GSN: variants seen among roughly 807,000 people sequenced by gnomAD.
GSN encodes actin-depolymerizing factor.
GSN carries 56 observed loss-of-function variants against 85.7 expected under a neutral mutation model. The ratio of observed to expected loss-of-function variants is 0.65; its 90% confidence interval spans 0.53 to 0.82. The LOEUF is 0.82. Among genes scored for constraint, GSN ranks in the 40% least tolerant of loss-of-function variants. The pLI, the probability that GSN is intolerant of heterozygous loss-of-function variation, is 0.00. For missense variants in GSN, 857 were observed against 979.8 expected (o/e 0.87, Z 1.67); for synonymous variants, 373 against 399.1 (o/e 0.93, Z 0.78).
chr9:121,281,282 G>T (rs562034499), intron 1 of GSN, 188 bp from the exon 2 acceptor site: 51 of 276,006 alleles, frequency 1.8e-4, no homozygotes, highest in African/African-American at 1.1e-3. Context: ...CTTTTACGCA[G>T]CCAAACCCTC....
intron 2 of GSN, 162 bp downstream of exon 2, chr9:121,281,724 C>T: frequency 2.1e-6 from 1 of 471,230 alleles, no homozygotes; most frequent in Non-Finnish European, 4.4e-6. Context: ...TGCGTCTCTG[C>T]TCCTTTCCTG....
intron 2 of GSN, among the ~76,000 whole-genome samples, chr9:121,286,388 G>A (rs2058077653): frequency 6.6e-6 from 1 of 152,224 alleles, no homozygotes; most frequent in East Asian, 1.9e-4. Flanking sequence ...GTAGCAGTCA[G>A]ACCCCTTCTC....
At chr9:121,227,278 C>T (rs1312511076) in intron 4 of GSN, among the ~76,000 whole-genome samples, 1 of 152,016 alleles carries the variant, frequency 6.6e-6, no homozygotes, top group Non-Finnish European at 1.5e-5. Context: ...CCTGTAATCC[C>T]AGCTACTAAG....
chr9:121,299,886 G>C lies in GSN; in HGVS notation c.-9-2077G>C. On this transcript the variant is annotated intron_variant, in intron 2 of 17. Transcript: ENST00000432226. This position sits in a 1 kb window ranked among gnomAD's most constrained non-coding sequence, Gnocchi z 4.2. ...CATGGCTCCGCACCGCCCCGCGCCC[G>C]CGCTGCTTTGCGCGCTGTCCCTGGC... 7.6e-7 allele frequency: 1 copy of C among 1,315,108 alleles called. No individual in the cohort carries two copies. The highest frequency in any genetic ancestry group is 2.0e-5 in the South Asian group (1 of 50,044). 81.5% of individuals were successfully genotyped at this position (1,315,108 alleles called of 1,614,324 possible).
chr9:121,325,573 C>T (rs1208618500), intron 12 of GSN, among the ~76,000 whole-genome samples: 3 of 152,090 alleles, frequency 2.0e-5, no homozygotes, highest in Non-Finnish European at 2.9e-5. Flanking sequence ...TAAAAAGTCA[C>T]TCTGGCCAGG....
rs1336006305 is a variant in GSN at position 121,317,122 on chromosome 9, G to A, written c.790G>A (p.Val264Met). 6.2e-6 allele frequency: 10 copies of A among 1,613,998 alleles called. No homozygotes were observed. Among genetic ancestry groups the A allele is most frequent in the Middle Eastern group, 3.3e-4 (2 of 6,084 alleles). ...TGCAGGGACCATGTCCGTCTCCCTC[G>A]TGGCTGATGAGAACCCCTTCGCCCA... ...NGAGTMSVSL[V>M]ADENPFAQGA... Residue 264 changes from valine to methionine, a missense_variant, in exon 8 of 18, where the codon GTG becomes ATG. Coordinates refer to ENST00000432226, the MANE Select transcript of GSN (RefSeq NM_198252.3).
At chr9:121,210,342 C>G (rs2053949446) in intron 3 of GSN, 1 of 152,216 alleles carries the variant, frequency 6.6e-6, no homozygotes, top group Non-Finnish European at 1.5e-5. Context: ...GAGTGACGTG[C>G]TAAGTCTTCA....
At chr9:121,250,211 T>C (rs2054790344) in intron 6 of GSN, among the ~76,000 whole-genome samples, 1 of 150,268 alleles carries the variant, frequency 6.7e-6, no homozygotes. Context: ...TCTTTTTTTT[T>C]TTTTTTTTTT....
intron 5 of GSN, among the ~76,000 whole-genome samples, chr9:121,234,613 A>G (rs2054457074): frequency 6.6e-6 from 1 of 152,218 alleles, no homozygotes; most frequent in African/African-American, 2.4e-5. Flanking sequence ...TACGATGACT[A>G]GGTAAAAGCT....
chr9:121,289,743 G>A (rs966992849), intron 2 of GSN, among the ~76,000 whole-genome samples: 32 of 152,176 alleles, frequency 2.1e-4, no homozygotes, highest in African/African-American at 7.2e-4. Context: ...TTGGTCTCCC[G>A]GAGGCAGGCA....
At chr9:121,323,371 G>GTTTTTTTTTTTTTTTTTTTTTTTTTTTT (rs59056849) in intron 11 of GSN, among the ~76,000 whole-genome samples, 1 of 117,750 alleles carries the variant, frequency 8.5e-6, no homozygotes. Flanking sequence ...TCCCATTACC[G>GTTTTTTTTTTTTTTTTTTTTTTTTTTTT]TTTTTTTTTT....
intron 11 of GSN, 149 bp downstream of exon 11, chr9:121,321,550 T>G (rs545270824): frequency 1.5e-6 from 1 of 672,626 alleles, no homozygotes. Context: ...CACCATTTGC[T>G]TATTTCTCCA....
chr9:121,292,353 A>G (rs1160648169), intron 2 of GSN, among the ~76,000 whole-genome samples: 2 of 152,160 alleles, frequency 1.3e-5, no homozygotes. Context: ...CATCCCTGGT[A>G]CCAGCCTTGT....
chr9:121,203,607 T>C (rs954426901), upstream of GSN, among the ~76,000 whole-genome samples: 1 of 152,224 alleles, frequency 6.6e-6, no homozygotes, highest in Non-Finnish European at 1.5e-5. Context: ...GGTTCTGCCA[T>C]GAACAAGTGA....
At chr9:121,317,053 C>T (rs767137544) in intron 7 of GSN, 33 bp from the exon 8 acceptor site, 18 of 1,613,702 alleles carry the variant, frequency 1.1e-5, no homozygotes, top group Non-Finnish European at 1.4e-5. Context: ...CACAGACACT[C>T]ATGTGCTGGT....
At chr9:121,289,039 C>T (rs1300555623) in intron 2 of GSN, among the ~76,000 whole-genome samples, 1 of 152,324 alleles carries the variant, frequency 6.6e-6, no homozygotes, top group East Asian at 1.9e-4. Context: ...GCTATGGCAA[C>T]TGGGCAGGCT....
At chr9:121,298,993 C>A (rs900113958) in intron 2 of GSN, among the ~76,000 whole-genome samples, 8 of 152,164 alleles carry the variant, frequency 5.3e-5, no homozygotes, top group Non-Finnish European at 7.4e-5. Context: ...CCAAACAAAA[C>A]AACTTCAGGA....
At chr9:121,286,531 A>T in intron 2 of GSN, 1 of 1,349,432 alleles carries the variant, frequency 7.4e-7, no homozygotes, top group South Asian at 1.5e-5. Flanking sequence ...TTTATCCTCC[A>T]AGGCTCTGCC....
intron 6 of GSN, among the ~76,000 whole-genome samples, chr9:121,262,809 G>A (rs1402665831): frequency 6.6e-6 from 1 of 152,212 alleles, no homozygotes; most frequent in East Asian, 1.9e-4. Context: ...AACATGTCTA[G>A]AATAATGGCT....
Sources: allele counts gnomAD v4.1 joint callset (sites outside exome capture counted in the v4.1 genomes callset), GRCh38; gene constraint gnomAD v4.1.1; non-coding constraint Gnocchi (gnomAD v3.1); transcripts MANE v1.5; gene names NCBI Gene and HGNC (gene_info 2026-07-23, HGNC 2026-07-21).